The following NRG4 variants were observed in gnomAD, a reference collection of about 807,000 sequenced individuals.
NRG4 encodes the protein pro-neuregulin-4, membrane-bound isoform.
NRG4 carries 10 observed loss-of-function variants against 15.0 expected under a neutral mutation model. The ratio of observed to expected loss-of-function variants is 0.67; its 90% CI spans 0.41 to 1.13. The LOEUF (loss-of-function observed/expected upper bound fraction) is 1.13, where lower values mean the gene tolerates loss of function less well. NRG4 is among the 50% of genes most tolerant of loss of function. The probability of loss-of-function intolerance (pLI) is 0.00; values close to 1 mark genes in which losing one functional copy is unlikely to be tolerated. For missense variants in NRG4, 139 were observed against 140.2 expected (o/e 0.99, Z 0.04); for synonymous variants, 41 against 50.1 (o/e 0.82, Z 0.77).
intron 5 of NRG4, among the ~76,000 whole-genome samples, chr15:75,953,017 A>G (rs2032004545): frequency 6.6e-6 from 1 of 152,070 alleles, no homozygotes; most frequent in African/African-American, 2.4e-5. Flanking sequence ...TTTTGTTTTT[A>G]ATGTTGATGA....
At chr15:75,968,325 C>T (rs998510372) in intron 3 of NRG4, among the ~76,000 whole-genome samples, 5 of 152,082 alleles carry the variant, frequency 3.3e-5, no homozygotes, top group Non-Finnish European at 5.9e-5. Context: ...TGGTGGCTCA[C>T]GCCTGTAATC....
At chr15:76,040,213 G>T (rs1289144510) in intron 4 of NRG4, among the ~76,000 whole-genome samples, 2 of 152,152 alleles carry the variant, frequency 1.3e-5, no homozygotes, top group African/African-American at 4.8e-5. Flanking sequence ...CAATATGTCT[G>T]GCAGCAGACT....
intron 5 of NRG4, among the ~76,000 whole-genome samples, chr15:76,028,289 T>C (rs542415696): frequency 6.6e-6 from 1 of 150,964 alleles, no homozygotes; most frequent in African/African-American, 2.4e-5. Flanking sequence ...AAAACCCAAA[T>C]TAAAAAAAAT....
intron 4 of NRG4, among the ~76,000 whole-genome samples, chr15:76,037,714 C>T (rs2035626682): frequency 6.6e-6 from 1 of 152,130 alleles, no homozygotes; most frequent in South Asian, 2.1e-4. Context: ...GCCAGGGCAC[C>T]TAAGGGAGTG....
At chr15:75,995,300 C>T (rs111442406) in intron 3 of NRG4, among the ~76,000 whole-genome samples, 5,852 of 152,208 alleles carry the variant, frequency 0.038, 381 homozygotes, top group African/African-American at 0.13. Context: ...TTCTGGTGAG[C>T]ACTCAGGAAG....
At chr15:76,049,297 T>C (rs544370044) in intron 4 of NRG4, among the ~76,000 whole-genome samples, 3 of 149,170 alleles carry the variant, frequency 2.0e-5, no homozygotes, top group South Asian at 2.1e-4. Context: ...CAAAGAAATA[T>C]TATCTTAAAG....
At chr15:75,937,779 T>C (rs1206362108), downstream of NRG4, 1 of 152,226 alleles carries the variant, frequency 6.6e-6, no homozygotes, top group Non-Finnish European at 1.5e-5. Context: ...CTAACCTGTC[T>C]GCGGATACTT....
chr15:75,968,534 C>A (rs1406580781), intron 3 of NRG4, among the ~76,000 whole-genome samples: 1 of 150,308 alleles, frequency 6.7e-6, no homozygotes, highest in East Asian at 1.9e-4. Flanking sequence ...TTGCAGTGAG[C>A]CAAGACTGTG....
At chr15:75,957,579 A>G (rs570213510) in intron 4 of NRG4, among the ~76,000 whole-genome samples, 304 of 152,232 alleles carry the variant, frequency 2.0e-3, no homozygotes, top group African/African-American at 6.8e-3. Context: ...ACCCATATGT[A>G]AATTTATTTT....
At chr15:75,990,146 C>T (rs760734103) in intron 3 of NRG4, among the ~76,000 whole-genome samples, 4 of 152,110 alleles carry the variant, frequency 2.6e-5, no homozygotes, top group South Asian at 2.1e-4. Flanking sequence ...AAGTTCTTTG[C>T]GCAGCACTAT....
intron 3 of NRG4, chr15:75,968,990 T>A (rs1225281104): frequency 5.0e-6 from 1 of 198,076 alleles, no homozygotes; most frequent in African/African-American, 2.3e-5. Flanking sequence ...TAGAAGTGTT[T>A]CACTGTCCAT....
intron 2 of NRG4, among the ~76,000 whole-genome samples, chr15:76,056,527 T>C (rs2036156710): frequency 6.6e-6 from 1 of 152,052 alleles, no homozygotes; most frequent in Non-Finnish European, 1.5e-5. Flanking sequence ...AGATATTGTA[T>C]GTACTCAAAT....
intron 5 of NRG4, among the ~76,000 whole-genome samples, chr15:75,946,226 T>A (rs578076823): frequency 3.4e-4 from 52 of 152,354 alleles, no homozygotes; most frequent in South Asian, 1.2e-3. Context: ...GAACTTTCCG[T>A]TTATATTTCA....
chr15:76,033,637 C>T lies in NRG4; in HGVS notation c.-57+2307G>A, dbSNP rs1055379328. On this transcript the variant is annotated intron_variant, in intron 5 of 8. Coordinates refer to the NRG4 transcript ENST00000563910. ...CAGAGCAACAGCTAAAGTTGGTTCA[C>T]TAATCAATGATGTCATCAATATTTT... 3.9e-5 allele frequency among the ~76,000 whole-genome samples: 6 copies of T among 152,330 alleles called. No homozygotes were observed. The East Asian group carries it at 7.7e-4, about 20-fold the overall frequency.
chr15:75,940,855 G>A (rs1042466471), downstream of NRG4: 2 of 152,096 alleles, frequency 1.3e-5, no homozygotes, highest in Non-Finnish European at 2.9e-5. Context: ...CTAAATGTGA[G>A]AGCTAAAACC....
At chr15:75,954,257 GTTTT>G (rs1187593690) in intron 5 of NRG4, among the ~76,000 whole-genome samples, 1 of 140,088 alleles carries the variant, frequency 7.1e-6, no homozygotes, top group Non-Finnish European at 1.5e-5. Flanking sequence ...TCCAGTTTTT[GTTTT>G]TTTGTTTTTT....
chr15:76,039,536 G>A (rs2035679782), intron 4 of NRG4, among the ~76,000 whole-genome samples: 1 of 152,120 alleles, frequency 6.6e-6, no homozygotes, highest in Admixed American at 6.5e-5. Flanking sequence ...CAGAATTTGT[G>A]AGCTTGAAGA....
At chr15:76,000,506 GTAGT>G (rs1275503642) in intron 3 of NRG4, among the ~76,000 whole-genome samples, 11 of 152,166 alleles carry the variant, frequency 7.2e-5, no homozygotes, top group African/African-American at 1.7e-4. Context: ...GTTTGACATA[GTAGT>G]TTGACAATTC....
At chr15:75,995,352 C>T (rs1471843346) in intron 3 of NRG4, among the ~76,000 whole-genome samples, 1 of 152,040 alleles carries the variant, frequency 6.6e-6, no homozygotes, top group African/African-American at 2.4e-5. Context: ...CAGTGTATCA[C>T]CTGGTGAGAG....
Sources: gnomAD v4.1 joint callset for allele counts (sites outside exome capture counted in the v4.1 genomes callset) on GRCh38, gnomAD v4.1.1 for gene constraint, MANE v1.5 for transcripts, NCBI Gene and HGNC (gene_info 2026-07-23, HGNC 2026-07-21) for gene names.